Variants in ARHGAP32 observed in about 807,000 individuals in gnomAD.
ARHGAP32 encodes the protein rho GTPase-activating protein 32.
In ARHGAP32, 51 loss-of-function variants were observed where a neutral mutation model predicts 186.5. That is an observed-to-expected ratio of 0.27 (90% CI 0.22 to 0.35). The LOEUF is 0.35. Among genes scored for constraint, ARHGAP32 ranks in the 10% least tolerant of loss-of-function variants. The pLI, the probability that ARHGAP32 is intolerant of heterozygous loss-of-function variation, is 1.00. For missense variants in ARHGAP32, 2,186 were observed against 2,623.5 expected (o/e 0.83, Z 3.64); for synonymous variants, 950 against 964.3 (o/e 0.99, Z 0.27).
intron 11 of ARHGAP32, among the ~76,000 whole-genome samples, chr11:129,038,752 C>T (rs905714105): frequency 1.6e-4 from 24 of 150,076 alleles, no homozygotes; most frequent in Admixed American, 1.4e-3. Flanking sequence ...CTGGGCACAG[C>T]GGCATGCACG....
At chr11:128,998,769 T>A (rs1057319145) in intron 11 of ARHGAP32, among the ~76,000 whole-genome samples, 10 of 152,184 alleles carry the variant, frequency 6.6e-5, no homozygotes, top group Non-Finnish European at 1.5e-4. Context: ...TTCCCCAAAT[T>A]AATACTTTTA....
At chr11:129,228,192 A>G (rs1944810927) in intron 1 of ARHGAP32, among the ~76,000 whole-genome samples, 1 of 152,174 alleles carries the variant, frequency 6.6e-6, no homozygotes, top group African/African-American at 2.4e-5. Context: ...CAAAAACACA[A>G]TCACCAAAAC....
chr11:129,270,054 A>T (rs575237857), intron 1 of ARHGAP32, among the ~76,000 whole-genome samples: 3 of 152,216 alleles, frequency 2.0e-5, no homozygotes, highest in Admixed American at 2.0e-4. Flanking sequence ...AAAAAAAAAA[A>T]ACCACACCCA....
At chr11:128,993,666 G>T in intron 12 of ARHGAP32, among the ~76,000 whole-genome samples, 1 of 150,502 alleles carries the variant, frequency 6.6e-6, no homozygotes, top group Non-Finnish European at 1.5e-5. Flanking sequence ...TATAACTGTG[G>T]TTATAGGTCA....
chr11:129,266,028 C>T (rs1945395536), intron 1 of ARHGAP32, among the ~76,000 whole-genome samples: 1 of 151,626 alleles, frequency 6.6e-6, no homozygotes, highest in South Asian at 2.1e-4. Flanking sequence ...TAAAAAATAA[C>T]AATAAAAGGA....
chr11:129,208,743 C>T (rs1051196810), intron 1 of ARHGAP32, among the ~76,000 whole-genome samples: 4 of 150,606 alleles, frequency 2.7e-5, no homozygotes, highest in African/African-American at 9.8e-5. Context: ...TTACAAAATA[C>T]ATACCAGCAT....
In ARHGAP32 at chr11:128,976,856, G is replaced by A. The variant is rs974979563; in HGVS notation, c.2123-222C>T. Among the ~76,000 whole-genome samples the A allele has an allele frequency of 1.1e-4, 17 of 152,212 alleles. No homozygotes were observed. The South Asian group carries it at 2.1e-3, about 19-fold the overall frequency. Reference sequence around the variant, plus strand: ...TTATACTGTTCTCAAATGGTTTCCCGTGTGAAAAATCTCTTTTCTAAAGGA... The same window carrying A: ...TTATACTGTTCTCAAATGGTTTCCCATGTGAAAAATCTCTTTTCTAAAGGA... On this transcript the variant is annotated intron_variant, in intron 19 of 22. Coordinates refer to ENST00000682385, the MANE Select transcript of ARHGAP32 (RefSeq NM_001378024.1).
intron 2 of ARHGAP32, among the ~76,000 whole-genome samples, chr11:129,131,874 A>G (rs1387243443): frequency 2.0e-5 from 3 of 152,154 alleles, no homozygotes; most frequent in African/African-American, 7.2e-5. Context: ...CTCTTCTTGC[A>G]TTACTTAGAC....
At chr11:129,031,705 C>T (rs1432163642) in intron 11 of ARHGAP32, among the ~76,000 whole-genome samples, 1 of 152,226 alleles carries the variant, frequency 6.6e-6, no homozygotes, top group Non-Finnish European at 1.5e-5. Flanking sequence ...GCCACACTCT[C>T]AAGCCTGGAC....
At chr11:129,017,513 G>A (rs1938411037) in intron 11 of ARHGAP32, among the ~76,000 whole-genome samples, 1 of 151,450 alleles carries the variant, frequency 6.6e-6, no homozygotes, top group Non-Finnish European at 1.5e-5. Flanking sequence ...GCATTATTGT[G>A]AGAATTAAAT....
At chr11:129,173,822 A>T (rs192404396) in intron 1 of ARHGAP32, among the ~76,000 whole-genome samples, 140 of 152,366 alleles carry the variant, frequency 9.2e-4, no homozygotes, top group Non-Finnish European at 1.5e-3. Context: ...ATGATTTCCC[A>T]CTGAGATCAT....
intron 2 of ARHGAP32, among the ~76,000 whole-genome samples, chr11:129,150,977 C>T (rs1362885602): frequency 6.6e-6 from 1 of 150,406 alleles, no homozygotes; most frequent in Admixed American, 6.6e-5. Flanking sequence ...TTGCTGTCTT[C>T]AAGAGACTCC....
rs563399664 is a variant in ARHGAP32, at chr11:129,064,093, A to C, written c.763-69T>G. On this transcript the variant is annotated intron_variant, in intron 8 of 22. Coordinates refer to ENST00000682385, the MANE Select transcript of ARHGAP32 (RefSeq NM_001378024.1). ...GCAAATGCTTCTTTGACTATCTATA[A>C]AAGAAATTCATTTTAATTTAGAGAT... 4 of 1,412,312 alleles carry C rather than the reference A, an allele frequency of 2.8e-6. No individual in the cohort carries two copies. The East Asian group carries it at 9.5e-5, about 34-fold the overall frequency. The allele number at this position is 1,412,312 out of a possible 1,614,324, so 87.5% of individuals were successfully genotyped here. A position where few individuals can be genotyped will look rare whatever the true frequency, so the allele number is the denominator to read the frequency against.
intron 1 of ARHGAP32, among the ~76,000 whole-genome samples, chr11:129,253,028 G>C (rs528592767): frequency 1.3e-5 from 2 of 152,280 alleles, no homozygotes; most frequent in South Asian, 2.1e-4. Context: ...CAACTGGAGA[G>C]AGAATATCTT....
intron 1 of ARHGAP32, among the ~76,000 whole-genome samples, chr11:129,179,753 A>G (rs919925149): frequency 2.7e-5 from 4 of 148,788 alleles, no homozygotes; most frequent in South Asian, 2.2e-4. Flanking sequence ...ATGAGAACAC[A>G]TGGACATAGG....
intron 1 of ARHGAP32, among the ~76,000 whole-genome samples, chr11:129,228,997 A>T (rs1944822220): frequency 6.6e-6 from 1 of 152,212 alleles, no homozygotes; most frequent in Non-Finnish European, 1.5e-5. Context: ...GTTGTGAGTT[A>T]TTACATCACT....
At chr11:129,193,497 A>AT (rs780175573), upstream of ARHGAP32, among the ~76,000 whole-genome samples, 6,419 of 79,866 alleles carry the variant, frequency 0.08, 853 homozygotes, top group Non-Finnish European at 0.099. Flanking sequence ...AAAAAAAAAA[A>AT]AAATATATAT....
intron 8 of ARHGAP32, among the ~76,000 whole-genome samples, chr11:129,064,587 T>C (rs1940624391): frequency 6.6e-6 from 1 of 152,158 alleles, no homozygotes; most frequent in South Asian, 2.1e-4. Flanking sequence ...TATACATTAG[T>C]ATACTAAACA....
intron 2 of ARHGAP32, among the ~76,000 whole-genome samples, chr11:129,138,825 G>C (rs1942990262): frequency 6.6e-6 from 1 of 152,136 alleles, no homozygotes; most frequent in Non-Finnish European, 1.5e-5. Context: ...AGCGTATTGA[G>C]AGATGTTCAA....
Sources: allele counts gnomAD v4.1 joint callset (sites outside exome capture counted in the v4.1 genomes callset), GRCh38; gene constraint gnomAD v4.1.1; transcripts MANE v1.5; gene names NCBI Gene and HGNC (gene_info 2026-07-23, HGNC 2026-07-21).